The following THADA variants were observed in gnomAD, a reference collection of about 807,000 sequenced individuals.
THADA encodes tRNA (32-2'-O)-methyltransferase regulator THADA.
A neutral mutation model predicts 219.8 loss-of-function variants in THADA; 213 were observed. The ratio of observed to expected loss-of-function variants is 0.97; its 90% confidence interval spans 0.87 to 1.09. The LOEUF is 1.09. Among genes scored for constraint, THADA ranks in the 50% least tolerant of loss-of-function variants. The pLI is 0.00. For missense variants in THADA, 2,956 were observed against 2,311.3 expected (o/e 1.28, Z -5.72); for synonymous variants, 1,018 against 828.9 (o/e 1.23, Z -3.92).
Position 43,293,447 on chromosome 2 carries a change from A to G in THADA, c.4439-234T>C, listed in dbSNP as rs183525523. On this transcript the variant is annotated intron_variant, in intron 31 of 37. Coordinates refer to ENST00000405975, the MANE Select transcript of THADA (RefSeq NM_022065.5). The stretch of plus-strand genomic sequence containing the variant: ...ACAGGGGCACAAAGGCATTACTATT[A>G]GAAAATGCGTTCCTGGCACCCCTCC... Among the ~76,000 whole-genome samples the G allele has an allele frequency of 3.3e-5, 5 of 152,318 alleles. No homozygotes were observed. The East Asian group carries it at 9.6e-4, about 29-fold the overall frequency.
intron 22 of THADA, among the ~76,000 whole-genome samples, chr2:43,519,283 A>G (rs1301499047): frequency 6.6e-6 from 1 of 152,158 alleles, no homozygotes; most frequent in Non-Finnish European, 1.5e-5. Flanking sequence ...AACTTTTGTT[A>G]AACTGCTAAC....
At chr2:43,563,254 T>G (rs1242680252) in intron 15 of THADA, 1 of 152,226 alleles carries the variant, frequency 6.6e-6, no homozygotes, top group African/African-American at 2.4e-5. Flanking sequence ...ATTTTTGCTT[T>G]CATTCATCTC....
intron 26 of THADA, among the ~76,000 whole-genome samples, chr2:43,431,641 ACT>A (rs1679315676): frequency 8.0e-5 from 1 of 12,462 alleles, no homozygotes; most frequent in Non-Finnish European, 1.4e-4. Context: ...AATTTTTTGT[ACT>A]TTTTTTTTTT....
intron 36 of THADA, among the ~76,000 whole-genome samples, chr2:43,262,156 G>T (rs557778891): frequency 1.3e-5 from 2 of 152,220 alleles, no homozygotes; most frequent in Non-Finnish European, 2.9e-5. Context: ...TCTAGGTAAT[G>T]TGCTTAGCCC....
chr2:43,422,340 TCTAA>T (rs754915778), intron 28 of THADA, among the ~76,000 whole-genome samples: 44 of 152,326 alleles, frequency 2.9e-4, no homozygotes, highest in African/African-American at 5.1e-4. Context: ...TCTTCTCCAG[TCTAA>T]CTGTTTCCAG....
intron 29 of THADA, among the ~76,000 whole-genome samples, chr2:43,372,533 T>C (rs1056932658): frequency 2.0e-5 from 3 of 152,180 alleles, no homozygotes; most frequent in African/African-American, 4.8e-5. Context: ...GTCAGGAGTT[T>C]CTAACCCCTC....
intron 16 of THADA, among the ~76,000 whole-genome samples, chr2:43,557,467 C>A (rs1203907563): frequency 2.6e-5 from 4 of 152,168 alleles, no homozygotes; most frequent in Non-Finnish European, 5.9e-5. Flanking sequence ...TGCAAATCCC[C>A]TGGGAGGCTG....
At chr2:43,360,484 C>T (rs1669381029) in intron 29 of THADA, among the ~76,000 whole-genome samples, 1 of 152,192 alleles carries the variant, frequency 6.6e-6, no homozygotes, top group Non-Finnish European at 1.5e-5. Flanking sequence ...CGTGGGCCAC[C>T]AGCCTTTTAA....
At chr2:43,571,226 A>C (rs185935868) in intron 13 of THADA, among the ~76,000 whole-genome samples, 3 of 151,244 alleles carry the variant, frequency 2.0e-5, no homozygotes, top group African/African-American at 4.9e-5. Flanking sequence ...ACTGCACTCC[A>C]GCCTGGCTGA....
At chr2:43,588,624 T>C (rs1431859260) in intron 4 of THADA, among the ~76,000 whole-genome samples, 1 of 152,206 alleles carries the variant, frequency 6.6e-6, no homozygotes, top group East Asian at 1.9e-4. Context: ...TAATCTGGGA[T>C]ACACAAATTA....
intron 28 of THADA, among the ~76,000 whole-genome samples, chr2:43,424,865 A>G (rs796086497): frequency 2.3e-4 from 35 of 152,260 alleles, no homozygotes; most frequent in African/African-American, 8.4e-4. Flanking sequence ...TGTGCCACAC[A>G]TGGTTAACCA....
At chr2:43,544,450 A>C (rs909069500) in intron 20 of THADA, among the ~76,000 whole-genome samples, 9 of 152,152 alleles carry the variant, frequency 5.9e-5, no homozygotes, top group African/African-American at 2.4e-5. Context: ...CATTGAATCT[A>C]TAAATTACCT....
chr2:43,482,866 G>A (rs1357987429), intron 26 of THADA, among the ~76,000 whole-genome samples: 1 of 152,144 alleles, frequency 6.6e-6, no homozygotes, highest in Non-Finnish European at 1.5e-5. Flanking sequence ...ACTTCTAATA[G>A]TTTGTTTTAT....
At chr2:43,534,201 T>A (rs1451142263) in intron 21 of THADA, among the ~76,000 whole-genome samples, 1 of 152,166 alleles carries the variant, frequency 6.6e-6, no homozygotes, top group Non-Finnish European at 1.5e-5. Flanking sequence ...TCTTTTTCAT[T>A]GACAAATAAT....
intron 26 of THADA, among the ~76,000 whole-genome samples, chr2:43,455,516 TCTCA>T (rs1250163150): frequency 1.4e-4 from 16 of 113,542 alleles, no homozygotes; most frequent in Middle Eastern, 4.9e-3. Context: ...TCTCTCTCTC[TCTCA>T]CACACACACA....
chr2:43,576,924 G>T, intron 10 of THADA, 98 bp downstream of exon 10: 1 of 1,062,962 alleles, frequency 9.4e-7, no homozygotes, highest in South Asian at 1.5e-5. Context: ...TGGGAGGGTA[G>T]CTGGGATTAG....
chr2:43,232,726 T>C lies in THADA; in HGVS notation c.5453A>G (p.Glu1818Gly). The C allele has an allele frequency of 6.2e-7, 1 of 1,613,914 alleles. No homozygotes were observed. Residue 1818 changes from glutamate to glycine, a missense_variant, in exon 37 of 38, where the codon GAG (glutamate) becomes GGG (glycine). Glu to Gly is a moderately conservative substitution (Grantham distance 98). Coordinates refer to ENST00000405975, the MANE Select transcript of THADA (RefSeq NM_022065.5). Reference sequence around the variant, plus strand: ...CCCCGGGATCACCTGATGCATGCTCTCCACACAGGCCACGAGGTCATCACT... The same window carrying C: ...CCCCGGGATCACCTGATGCATGCTCCCCACACAGGCCACGAGGTCATCACT... ...GESDDLVACV[E>G]SMHQVEEDYL...
chr2:43,515,905 T>C (rs1202787277), intron 22 of THADA, among the ~76,000 whole-genome samples: 1 of 152,090 alleles, frequency 6.6e-6, no homozygotes, highest in Non-Finnish European at 1.5e-5. Flanking sequence ...AAACTTAACA[T>C]GCCCCAAACT....
At position 43,549,293 on chromosome 2, in the gene THADA, T is replaced by C; in HGVS notation, c.3023A>G (p.Lys1008Arg). The C allele has an allele frequency of 6.3e-7, 1 of 1,599,618 alleles. No homozygotes were observed. Among genetic ancestry groups the C allele is most frequent in the Non-Finnish European group, 8.5e-7 (1 of 1,172,992 alleles). ...RDTNDYFNQA[K>R]ILKEHDSFDM... ...AAAGCTATCATGTTCTTTCAATATTTTGGCTTGGTTAAAATAATCATTAGT... is the reference window on the plus strand; with the variant it reads ...AAAGCTATCATGTTCTTTCAATATTCTGGCTTGGTTAAAATAATCATTAGT... The change falls in exon 20 of 38, where the codon AAA becomes AGA. Residue 1008 changes from lysine to arginine, a missense_variant. Coordinates refer to ENST00000405975, the MANE Select transcript of THADA (RefSeq NM_022065.5).
Sources: gnomAD v4.1 joint callset for allele counts (sites outside exome capture counted in the v4.1 genomes callset) on GRCh38, gnomAD v4.1.1 for gene constraint, MANE v1.5 for transcripts, NCBI Gene and HGNC (gene_info 2026-07-23, HGNC 2026-07-21) for gene names.